Variants in GSE1 observed in about 807,000 individuals in gnomAD.
The protein encoded by GSE1 is Gse1 coiled-coil protein, also known as genetic suppressor element 1.
In GSE1, 32 loss-of-function variants were observed where a neutral mutation model predicts 112.6. The ratio of observed to expected loss-of-function variants is 0.28; its 90% CI spans 0.21 to 0.38. GSE1 has a LOEUF of 0.38. GSE1 is among the 10% of genes least tolerant of loss of function. The pLI is 1.00. For missense variants in GSE1, 2,348 were observed against 1,699.2 expected (o/e 1.38, Z -6.71); for synonymous variants, 1,115 against 735.6 (o/e 1.52, Z -8.35).
exon 1 of GSE1, chr16:85,556,336 T>C: frequency 1.0e-6 from 1 of 984,998 alleles, no homozygotes. Flanking sequence ...CATGTTTGGA[T>C]TGAAGCCGCC....
At chr16:85,592,055 C>T (rs947174590) in intron 1 of GSE1, among the ~76,000 whole-genome samples, 1 of 152,226 alleles carries the variant, frequency 6.6e-6, no homozygotes, top group Admixed American at 6.5e-5. Context: ...CACCCCCCGC[C>T]CCCCGCTCCC....
chr16:85,590,706 G>A (rs2046967708), intron 1 of GSE1, among the ~76,000 whole-genome samples: 1 of 152,198 alleles, frequency 6.6e-6, no homozygotes, highest in Non-Finnish European at 1.5e-5. Flanking sequence ...GCGTGTGGGA[G>A]GGATGGAGTG....
intron 2 of GSE1, among the ~76,000 whole-genome samples, chr16:85,470,954 G>A (rs1192034001): frequency 2.6e-5 from 4 of 152,234 alleles, no homozygotes; most frequent in Admixed American, 6.5e-5. Context: ...GACACATAGC[G>A]CGTTGCCATC....
intron 1 of GSE1, among the ~76,000 whole-genome samples, chr16:85,355,226 A>G (rs1447863089): frequency 1.3e-5 from 2 of 149,440 alleles, no homozygotes; most frequent in Non-Finnish European, 3.0e-5. Context: ...TCCCTAAAAG[A>G]AAAAAAAAAC....
At chr16:85,557,851 G>A (rs1454368291) in intron 1 of GSE1, among the ~76,000 whole-genome samples, 2 of 151,188 alleles carry the variant, frequency 1.3e-5, no homozygotes, top group African/African-American at 4.9e-5. Flanking sequence ...GTTTCGTGGT[G>A]TCTGTTTTAG....
chr16:85,470,378 A>G (rs1384435077), intron 2 of GSE1, among the ~76,000 whole-genome samples: 1 of 152,132 alleles, frequency 6.6e-6, no homozygotes, highest in Non-Finnish European at 1.5e-5. Flanking sequence ...GCTGGGGCTC[A>G]GGCCTGGAGA....
At chr16:85,512,195 C>G (rs2051769605) in intron 2 of GSE1, among the ~76,000 whole-genome samples, 1 of 152,162 alleles carries the variant, frequency 6.6e-6, no homozygotes, top group Non-Finnish European at 1.5e-5. Flanking sequence ...GGGTGTGGCC[C>G]TGGGGTCATC....
chr16:85,585,093 T>TG (rs1179161242), intron 1 of GSE1, among the ~76,000 whole-genome samples: 1 of 151,316 alleles, frequency 6.6e-6, no homozygotes, highest in African/African-American at 2.4e-5. Flanking sequence ...TTCTAAAAGG[T>TG]GAAAAAAAAA....
chr16:85,178,471 A>G (rs1223188771), intron 1 of GSE1, among the ~76,000 whole-genome samples: 1 of 152,018 alleles, frequency 6.6e-6, no homozygotes, highest in Non-Finnish European at 1.5e-5. Context: ...AAAAATACCA[A>G]TGACAGGGCC....
intron 1 of GSE1, among the ~76,000 whole-genome samples, chr16:85,183,702 C>T (rs905629806): frequency 6.6e-5 from 10 of 152,238 alleles, no homozygotes; most frequent in Non-Finnish European, 1.2e-4. Context: ...GGAATGATGG[C>T]TCACCTACGT....
chr16:85,384,824 G>GA (rs2047649560), intron 2 of GSE1, among the ~76,000 whole-genome samples: 1 of 152,200 alleles, frequency 6.6e-6, no homozygotes, highest in Non-Finnish European at 1.5e-5. Context: ...ATCCAGGAGG[G>GA]AACACACAGG....
intron 2 of GSE1, among the ~76,000 whole-genome samples, chr16:85,636,359 C>A (rs2049997585): frequency 6.6e-6 from 1 of 152,142 alleles, no homozygotes; most frequent in African/African-American, 2.4e-5. Context: ...GTGTTTGGGT[C>A]CTGGAACGCC....
intron 1 of GSE1, among the ~76,000 whole-genome samples, chr16:85,581,135 G>T (rs1488488611): frequency 6.6e-6 from 1 of 152,228 alleles, no homozygotes; most frequent in Non-Finnish European, 1.5e-5. Context: ...CAGCCTGTGT[G>T]TGTTGGGAGG....
chr16:85,370,290 G>C (rs1252690395), intron 2 of GSE1, among the ~76,000 whole-genome samples: 2 of 152,172 alleles, frequency 1.3e-5, no homozygotes, highest in Non-Finnish European at 2.9e-5. Context: ...CACCCCAGGA[G>C]ATGGCCAACT....
chr16:85,213,227 C>T (rs553784428), intron 1 of GSE1, among the ~76,000 whole-genome samples: 1 of 150,650 alleles, frequency 6.6e-6, no homozygotes, highest in African/African-American at 2.4e-5. Context: ...CGAGATCACA[C>T]TACTGCACTC....
At chr16:85,513,075 G>T (rs1598017167) in intron 2 of GSE1, among the ~76,000 whole-genome samples, 1 of 152,114 alleles carries the variant, frequency 6.6e-6, no homozygotes, top group East Asian at 1.9e-4. Context: ...GAGCCCTGTG[G>T]GCGTCTCCAT....
intron 1 of GSE1, among the ~76,000 whole-genome samples, chr16:85,290,770 C>A (rs1400592086): frequency 1.3e-5 from 2 of 152,058 alleles, no homozygotes; most frequent in Non-Finnish European, 2.9e-5. Context: ...TGAGTTGTTT[C>A]ACCTTGTCAT....
At chr16:85,652,553 G>GCGA (rs1226619049) in intron 3 of GSE1, among the ~76,000 whole-genome samples, 2 of 152,040 alleles carry the variant, frequency 1.3e-5, no homozygotes, top group Non-Finnish European at 2.9e-5. Context: ...CCAGGCGGCG[G>GCGA]CGGCGGCGGC....
intron 1 of GSE1, among the ~76,000 whole-genome samples, chr16:85,351,032 G>A (rs888001685): frequency 2.0e-5 from 3 of 152,300 alleles, no homozygotes; most frequent in Admixed American, 6.5e-5. Flanking sequence ...TGCCTGCCTC[G>A]GCCTCCCAAG....
Sources: gnomAD v4.1 joint callset for allele counts (sites outside exome capture counted in the v4.1 genomes callset) on GRCh38, gnomAD v4.1.1 for gene constraint, MANE v1.5 for transcripts, NCBI Gene and HGNC (gene_info 2026-07-23, HGNC 2026-07-21) for gene names.